Variants in ATRNL1 observed in about 807,000 individuals in gnomAD.
ATRNL1 encodes the protein attractin like 1, also known as attractin-like protein 1.
A neutral mutation model predicts 182.7 loss-of-function variants in ATRNL1; 95 were observed. The observed-to-expected ratio is 0.52, with a 90% CI of 0.44 to 0.62. The LOEUF is 0.62. Ranked by LOEUF, ATRNL1 falls within the 20% of genes least tolerant of loss-of-function variation. ATRNL1 has a pLI of 0.00. For synonymous variants in ATRNL1, 576 were observed against 568.3 expected (o/e 1.01, Z -0.19); for missense variants, 1,471 against 1,679.5 (o/e 0.88, Z 2.17).
intron 27 of ATRNL1, among the ~76,000 whole-genome samples, chr10:115,798,836 T>A (rs1308989932): frequency 4.0e-5 from 6 of 149,952 alleles, no homozygotes; most frequent in Admixed American, 1.3e-4. Flanking sequence ...TTTTCTTTTT[T>A]TTTTTTTTGA....
intron 18 of ATRNL1, among the ~76,000 whole-genome samples, chr10:115,330,328 T>TA (rs1554934639): frequency 6.6e-6 from 1 of 152,210 alleles, no homozygotes; most frequent in Admixed American, 6.5e-5. Context: ...ATTACCATGT[T>TA]AGAGTATTCT....
At chr10:115,756,761 G>T (rs1314065689) in intron 27 of ATRNL1, among the ~76,000 whole-genome samples, 1 of 152,070 alleles carries the variant, frequency 6.6e-6, no homozygotes, top group African/African-American at 2.4e-5. Context: ...TGACAGTGGG[G>T]TGTTAAAGTC....
intron 26 of ATRNL1, among the ~76,000 whole-genome samples, chr10:115,680,995 C>A (rs1555044552): frequency 6.6e-6 from 1 of 152,058 alleles, no homozygotes. Context: ...ATAGTGTATC[C>A]ATATTTGAAG....
intron 1 of ATRNL1, among the ~76,000 whole-genome samples, chr10:115,114,035 G>T (rs1844372780): frequency 6.6e-6 from 1 of 151,744 alleles, no homozygotes; most frequent in Non-Finnish European, 1.5e-5. Context: ...AAAACAGCGT[G>T]ATACCTGCAT....
intron 27 of ATRNL1, among the ~76,000 whole-genome samples, chr10:115,785,106 G>C (rs1034843499): frequency 5.3e-5 from 8 of 152,294 alleles, no homozygotes; most frequent in African/African-American, 1.9e-4. Context: ...CTGTGAGTAT[G>C]ATCTATCCTG....
rs782820726 is a variant in ATRNL1, at chr10:115,315,520, C to G, written c.2821C>G (p.Gln941Glu). The change falls in exon 18 of 29, where the codon CAA becomes GAA. Residue 941 changes from glutamine to glutamate, a missense_variant and splice_region_variant. Coordinates refer to ENST00000355044, the MANE Select transcript of ATRNL1 (RefSeq NM_207303.4). ...TTGTCAATGTTCCTGTCACGCAGCT[C>G]AAAATTGTTCTGGATTGAGAACCTG... ...LEWQTATCSP[Q>E]NCSGLRTCGQ... 2 of 1,604,472 alleles carry G rather than the reference C, an allele frequency of 1.2e-6. No homozygotes were observed. Among genetic ancestry groups the G allele is most frequent in the East Asian group, 4.5e-5 (2 of 44,702 alleles).
chr10:115,115,404 A>G (rs1554869629), intron 1 of ATRNL1, among the ~76,000 whole-genome samples: 1 of 152,120 alleles, frequency 6.6e-6, no homozygotes, highest in Non-Finnish European at 1.5e-5. Flanking sequence ...TGGATTTTAA[A>G]TATTTTTGCT....
intron 15 of ATRNL1, among the ~76,000 whole-genome samples, chr10:115,297,103 A>G (rs1554922864): frequency 7.0e-6 from 1 of 143,224 alleles, no homozygotes; most frequent in Non-Finnish European, 1.5e-5. Flanking sequence ...AAATATTGGT[A>G]AAGAGGCCAG....
chr10:115,612,340 T>C (rs1300375668), intron 26 of ATRNL1, among the ~76,000 whole-genome samples: 3 of 152,104 alleles, frequency 2.0e-5, no homozygotes, highest in Non-Finnish European at 2.9e-5. Flanking sequence ...CCTGTTTTAG[T>C]GTGCAACTTC....
Position 115,520,202 on chromosome 10 carries a change from C to G in ATRNL1, c.3716+878C>G, listed in dbSNP as rs143698042. 7.9e-4 allele frequency among the ~76,000 whole-genome samples: 121 copies of G among 152,280 alleles called. 1 individual carries two copies. The highest frequency in any genetic ancestry group is 2.9e-3 in the African/African-American group (119 of 41,556). On this transcript the variant is annotated intron_variant, in intron 25 of 28. Transcript: ENST00000355044. ...ACCAACACTCACCAACTTGGCTGGG[C>G]TGCCATACAGTAAAGACCTGCACAA... is the stretch of plus-strand genomic sequence containing the variant.
chr10:115,587,749 A>G (rs11197316), intron 26 of ATRNL1, among the ~76,000 whole-genome samples: 72,292 of 151,954 alleles, frequency 0.48, 18,674 homozygotes, highest in East Asian at 0.84. Context: ...GCTGTAGACC[A>G]GAGCTGTTCC....
intron 27 of ATRNL1, among the ~76,000 whole-genome samples, chr10:115,832,009 A>G (rs2134313947): frequency 6.6e-6 from 1 of 152,304 alleles, no homozygotes; most frequent in South Asian, 2.1e-4. Flanking sequence ...CTCAGAAAAT[A>G]TGGAGCTATT....
At chr10:115,750,010 T>C (rs1948402215) in intron 27 of ATRNL1, among the ~76,000 whole-genome samples, 1 of 151,940 alleles carries the variant, frequency 6.6e-6, no homozygotes, top group Admixed American at 6.6e-5. Context: ...CATAATGTAT[T>C]CCAGCAGAGA....
intron 19 of ATRNL1, among the ~76,000 whole-genome samples, chr10:115,375,134 A>G (rs550464811): frequency 9.2e-5 from 14 of 151,438 alleles, no homozygotes; most frequent in African/African-American, 3.1e-4. Context: ...ATCTATTAAT[A>G]TTTTCTTTAT....
chr10:115,488,268 A>T (rs569955289), intron 24 of ATRNL1, among the ~76,000 whole-genome samples: 1 of 152,070 alleles, frequency 6.6e-6, no homozygotes, highest in East Asian at 1.9e-4. Context: ...TTCTTTTTCT[A>T]TTGTTTGGAA....
intron 1 of ATRNL1, among the ~76,000 whole-genome samples, chr10:115,103,258 C>T (rs868934955): frequency 1.6e-4 from 25 of 152,072 alleles, no homozygotes; most frequent in African/African-American, 6.0e-4. Context: ...AGGCTGGTCT[C>T]GAACTTCTGA....
At chr10:115,275,176 C>T (rs77320467) in intron 13 of ATRNL1, among the ~76,000 whole-genome samples, 1,714 of 152,246 alleles carry the variant, frequency 0.011, 28 homozygotes, top group African/African-American at 0.038. Flanking sequence ...AGTTTTCTTT[C>T]AGCTGCTGAG....
rs563137178 is a variant in ATRNL1, at chr10:115,413,283, A to G, written c.3270-12967A>G. 2.0e-5 allele frequency among the ~76,000 whole-genome samples: 3 copies of G among 152,304 alleles called. No individual in the cohort carries two copies. The South Asian group carries it at 6.2e-4, about 32-fold the overall frequency. On this transcript the variant is annotated intron_variant, in intron 20 of 28. Coordinates refer to ENST00000355044, the MANE Select transcript of ATRNL1 (RefSeq NM_207303.4). ...AGGATCTTGGATTTTGAGTGGAAGT[A>G]TAACAAGTAAGCCTGCATTCTTTTT... is the stretch of plus-strand genomic sequence containing the variant.
intron 19 of ATRNL1, among the ~76,000 whole-genome samples, chr10:115,370,723 G>A (rs1045994503): frequency 6.6e-6 from 1 of 152,228 alleles, no homozygotes; most frequent in East Asian, 1.9e-4. Context: ...TGTGCAGCCT[G>A]ACAATATGAT....
Sources: allele counts gnomAD v4.1 joint callset (sites outside exome capture counted in the v4.1 genomes callset), GRCh38; gene constraint gnomAD v4.1.1; transcripts MANE v1.5; gene names NCBI Gene and HGNC (gene_info 2026-07-23, HGNC 2026-07-21).